Variants in PRKCZ observed in about 807,000 individuals in gnomAD.
The protein encoded by PRKCZ is protein kinase C zeta type.
A neutral mutation model predicts 79.5 loss-of-function variants in PRKCZ; 33 were observed. The observed-to-expected ratio is 0.41, with a 90% CI of 0.31 to 0.55. The LOEUF is 0.55. PRKCZ is among the 20% of genes least tolerant of loss of function. The pLI, the probability that PRKCZ is intolerant of heterozygous loss-of-function variation, is 0.19. For missense variants in PRKCZ, 578 were observed against 813.5 expected (o/e 0.71, Z 3.52); for synonymous variants, 342 against 320.9 (o/e 1.07, Z -0.70).
upstream of PRKCZ, among the ~76,000 whole-genome samples, chr1:2,048,564 G>A (rs948827315): frequency 5.3e-5 from 8 of 152,228 alleles, no homozygotes; most frequent in African/African-American, 1.9e-4. Context: ...CAGAGGAGCT[G>A]GCCTTCCCTC....
intron 10 of PRKCZ, 157 bp from the exon 11 acceptor site, chr1:2,169,361 T>C: frequency 1.4e-6 from 1 of 707,702 alleles, no homozygotes; most frequent in Non-Finnish European, 2.6e-6. Flanking sequence ...CACCAGCCCC[T>C]CTCTGCTGCC....
rs1447681385 is a variant in PRKCZ at position 2,171,981 on chromosome 1, TG to T, written c.1062-72del. The T allele has an allele frequency of 8.6e-6, 13 of 1,510,938 alleles. No individual in the cohort carries two copies. The Admixed American group carries it at 2.5e-4, about 29-fold the overall frequency. 93.6% of individuals were successfully genotyped at this position (1,510,938 alleles called of 1,614,324 possible). On this transcript the variant is annotated intron_variant, in intron 11 of 17. Coordinates refer to ENST00000378567, the MANE Select transcript of PRKCZ (RefSeq NM_002744.6). ...CCGTGGTGGGGCAAACGGGAGTGTGTGGCCCCCAGGCTGGAGCTGTTGGCGC... is the reference window on the plus strand; with the variant it reads ...CCGTGGTGGGGCAAACGGGAGTGTGTGCCCCCAGGCTGGAGCTGTTGGCGC...
chr1:2,059,399 G>C, intron 3 of PRKCZ, 142 bp from the exon 4 acceptor site: 1 of 966,766 alleles, frequency 1.0e-6, no homozygotes, highest in Middle Eastern at 3.1e-4. Context: ...GCGTCTCCCA[G>C]GAGCGGGCTC....
intron 16 of PRKCZ, 70 bp downstream of exon 16, chr1:2,175,383 C>A: frequency 7.9e-7 from 1 of 1,269,934 alleles, no homozygotes; most frequent in Non-Finnish European, 1.1e-6. Flanking sequence ...ACCCCCATCC[C>A]AACCCCAACC....
rs950716642 is a variant in PRKCZ at position 2,168,019 on chromosome 1, C to T, written c.975-1499C>T. ...ATGGAGCTTCGTTCCGTGGGGTTGA[C>T]GTTACTGAACGAGTCCCTCCACGGG... is the stretch of plus-strand genomic sequence containing the variant. On this transcript the variant is annotated intron_variant, in intron 10 of 17. Coordinates refer to ENST00000378567, the MANE Select transcript of PRKCZ (RefSeq NM_002744.6). The surrounding 1 kb of genome is among the most constrained non-coding windows in gnomAD (Gnocchi z 4.7). Among the ~76,000 whole-genome samples, 1 of 152,174 alleles carries T rather than the reference C, an allele frequency of 6.6e-6. No homozygotes were observed. Among genetic ancestry groups the T allele is most frequent in the Non-Finnish European group, 1.5e-5 (1 of 68,028 alleles).
chr1:2,101,638 G>T (rs1293415607), intron 4 of PRKCZ, among the ~76,000 whole-genome samples: 1 of 152,220 alleles, frequency 6.6e-6, no homozygotes, highest in African/African-American at 2.4e-5. Context: ...CTGGGCTTCA[G>T]TTCCCCTTCC....
At chr1:2,181,955 T>TCCGGCTCCTCCCCAGCA in intron 16 of PRKCZ, 1 of 428,990 alleles carries the variant, frequency 2.3e-6, no homozygotes, top group East Asian at 7.3e-5. Flanking sequence ...GGCCCCTCCC[T>TCCGGCTCCTCCCCAGCA]CCGGCTCCTC....
chr1:2,173,888 C>A lies in PRKCZ; in HGVS notation c.1286-9C>A. 6.3e-7 allele frequency: 1 copy of A among 1,589,224 alleles called. No homozygotes were observed. Among genetic ancestry groups the A allele is most frequent in the South Asian group, 1.1e-5 (1 of 88,398 alleles). On this transcript the variant is annotated splice_polypyrimidine_tract_variant and intron_variant, in intron 13 of 17. Coordinates refer to ENST00000378567, the MANE Select transcript of PRKCZ (RefSeq NM_002744.6). The surrounding 1 kb of genome is among the most constrained non-coding windows in gnomAD (Gnocchi z 5.7). ...CCCCACTCGGTGATGGCTGTGTGCTCTCCCCCAGGGTTCAGCGTGGACTGG... is the reference window on the plus strand; with the variant it reads ...CCCCACTCGGTGATGGCTGTGTGCTATCCCCCAGGGTTCAGCGTGGACTGG...
At chr1:2,175,478 A>C (rs1572013578) in intron 16 of PRKCZ, among the ~76,000 whole-genome samples, 165 bp downstream of exon 16, 6 of 82,186 alleles carry the variant, frequency 7.3e-5, no homozygotes, top group Non-Finnish European at 9.6e-5. Context: ...TCACCCCACC[A>C]CCAACCCAAC....
chr1:2,067,438 C>T (rs1661214709), intron 4 of PRKCZ, among the ~76,000 whole-genome samples: 2 of 152,244 alleles, frequency 1.3e-5, no homozygotes, highest in African/African-American at 2.4e-5. Context: ...CGGGGCTGAG[C>T]GTGTGATGAG....
At chr1:2,068,445 T>G (rs774850282) in intron 4 of PRKCZ, among the ~76,000 whole-genome samples, 1 of 152,246 alleles carries the variant, frequency 6.6e-6, no homozygotes, top group Non-Finnish European at 1.5e-5. Flanking sequence ...CACTCCAGCC[T>G]CTGGCCTGTC....
Position 2,150,843 on chromosome 1 carries a change from T to C in PRKCZ, c.741T>C (p.Leu247=), listed in dbSNP as rs759140342. 12 of 1,614,066 alleles carry C rather than the reference T, an allele frequency of 7.4e-6. No individual in the cohort carries two copies. The Admixed American group carries it at 1.8e-4, about 25-fold the overall frequency. The change falls in exon 9 of 18, where the codon CTT becomes CTC. Residue 247 remains leucine (L), a synonymous_variant. Transcript: ENST00000378567. ...GMDGIKISQG[L]GLQDFDLIRV... is the part of the protein sequence containing the mutation. ...ATGGAATCAAAATCTCTCAGGGGCT[T>C]GGGCTGCAGGACTTTGACCTAATCA...
chr1:2,183,539 G>C (rs1268483534), intron 16 of PRKCZ: 1 of 152,354 alleles, frequency 6.6e-6, no homozygotes, highest in Non-Finnish European at 1.5e-5. Context: ...GTAAGCGAGT[G>C]AATGTCTCTT....
rs1021720357 is a variant in PRKCZ, at chr1:2,082,978, T to TCCA, written c.334+23389_334+23391dup. ...CTCGGGCACAGGTGAAGGACAGGTG[T>TCCA]CCACACCTTGGGTGCCCCCGTCCTC... On this transcript the variant is annotated intron_variant, in intron 4 of 17. Coordinates refer to ENST00000378567, the MANE Select transcript of PRKCZ (RefSeq NM_002744.6). The surrounding 1 kb of genome is among the most constrained non-coding windows in gnomAD (Gnocchi z 4.4). Among the ~76,000 whole-genome samples, 7 of 152,062 alleles carry TCCA rather than the reference T, an allele frequency of 4.6e-5. No homozygotes were observed. Among genetic ancestry groups the TCCA allele is most frequent in the African/African-American group, 7.2e-5 (3 of 41,390 alleles).
chr1:2,163,734 C>CAA (rs35766783), intron 10 of PRKCZ, among the ~76,000 whole-genome samples: 4 of 139,780 alleles, frequency 2.9e-5, no homozygotes, highest in African/African-American at 5.3e-5. Flanking sequence ...ACTAAAAATA[C>CAA]AAAAAAAAAA....
rs756279448 is a variant in PRKCZ at position 2,165,132 on chromosome 1, A to G, written c.975-4386A>G. On this transcript the variant is annotated intron_variant, in intron 10 of 17. Coordinates refer to ENST00000378567, the MANE Select transcript of PRKCZ (RefSeq NM_002744.6). This position sits in a 1 kb window ranked among gnomAD's most constrained non-coding sequence, Gnocchi z 4.1. ...GGCCTGCCAGCATCCCCACCAGTAG[A>G]TTTCTTTGGACGAAGTAAAATCCTT... Among the ~76,000 whole-genome samples the G allele has an allele frequency of 3.9e-5, 6 of 152,092 alleles. No homozygotes were observed. Among genetic ancestry groups the G allele is most frequent in the Non-Finnish European group, 5.9e-5 (4 of 68,024 alleles).
chr1:2,117,243 C>G lies in PRKCZ; in HGVS notation c.335-18019C>G, dbSNP rs533204132. ...GGGATTACAGATGCAAGCCACTGCA[C>G]CCGGCCTTAAATTCTTTCAATAATA... On this transcript the variant is annotated intron_variant, in intron 4 of 17. Coordinates refer to ENST00000378567, the MANE Select transcript of PRKCZ (RefSeq NM_002744.6). Among the ~76,000 whole-genome samples the G allele has an allele frequency of 7.9e-5, 12 of 152,316 alleles. No individual in the cohort carries two copies. In the South Asian group the frequency reaches 2.1e-3, roughly 26 times the overall value.
chr1:2,164,570 G>C (rs1682965671), intron 10 of PRKCZ, among the ~76,000 whole-genome samples: 1 of 152,192 alleles, frequency 6.6e-6, no homozygotes, highest in Admixed American at 6.5e-5. Context: ...CGACAGCCCT[G>C]CTTCTGGTGG....
chr1:2,133,493 C>G (rs1352644499), intron 4 of PRKCZ: 1 of 148,180 alleles, frequency 6.7e-6, no homozygotes, highest in Non-Finnish European at 1.5e-5. Flanking sequence ...CTTGGTTCCA[C>G]CCCCCTCCCC....
Sources: allele counts gnomAD v4.1 joint callset (sites outside exome capture counted in the v4.1 genomes callset), GRCh38; gene constraint gnomAD v4.1.1; non-coding constraint Gnocchi (gnomAD v3.1); transcripts MANE v1.5; gene names NCBI Gene and HGNC (gene_info 2026-07-23, HGNC 2026-07-21).